The following PLD5 variants were observed in gnomAD, a reference collection of about 807,000 sequenced individuals.
PLD5 encodes phospholipase D family member 5, also known as inactive phospholipase D5.
Under a neutral mutation model 61.1 loss-of-function variants are expected in PLD5, and 36 were observed. The observed-to-expected ratio is 0.59, with a 90% CI of 0.45 to 0.78. PLD5 has a LOEUF of 0.78. Among genes scored for constraint, PLD5 ranks in the 30% least tolerant of loss-of-function variants. PLD5 has a pLI of 0.00. For missense variants in PLD5, 515 were observed against 644.4 expected (o/e 0.80, Z 2.17); for synonymous variants, 243 against 242.8 (o/e 1.00, Z -0.01).
At chr1:242,425,669 G>A (rs1316337383) in intron 1 of PLD5, among the ~76,000 whole-genome samples, 2 of 131,248 alleles carry the variant, frequency 1.5e-5, no homozygotes, top group Non-Finnish European at 1.6e-5. Context: ...TTGAGACAGA[G>A]TCTCGCTCTG....
At chr1:242,276,934 TC>T (rs1674444503) in intron 3 of PLD5, among the ~76,000 whole-genome samples, 1 of 152,062 alleles carries the variant, frequency 6.6e-6, no homozygotes, top group African/African-American at 2.4e-5. Context: ...AACATAGCCA[TC>T]CCTGTCAGGG....
In PLD5 at chr1:242,114,004, G is replaced by A; in HGVS notation, c.956C>T (p.Pro319Leu). 1 of 1,613,320 alleles carries A rather than the reference G, an allele frequency of 6.2e-7. No individual in the cohort carries two copies. The highest frequency in any genetic ancestry group is 8.5e-7 in the Non-Finnish European group (1 of 1,179,692). The change falls in exon 7 of 10, where the codon CCT becomes CTT. Residue 319 changes from proline (P) to leucine (L), a missense_variant. This residue lies in a region of PLD5 where 450 missense variants were observed against 598.1 expected (regional missense o/e 0.75). Coordinates refer to ENST00000536534, the MANE Select transcript of PLD5 (RefSeq NM_001372062.1). ...ATCTATGTCAAAACTTCTGTTTTTAGGGCAAAAGAGTTTTGGAGAATTCTG... is the reference window on the plus strand; with the variant it reads ...ATCTATGTCAAAACTTCTGTTTTTAAGGCAAAAGAGTTTTGGAGAATTCTG... ...FVSNSPKLFC[P>L]KNRSFDIDAI...
intron 2 of PLD5, among the ~76,000 whole-genome samples, chr1:242,323,855 G>C (rs1290373108): frequency 1.3e-5 from 2 of 152,134 alleles, no homozygotes; most frequent in Non-Finnish European, 1.5e-5. Context: ...ATGGTCAGAA[G>C]ATGATTATGG....
intron 1 of PLD5, among the ~76,000 whole-genome samples, chr1:242,445,830 A>G (rs1009800353): frequency 7.5e-6 from 1 of 133,460 alleles, no homozygotes; most frequent in African/African-American, 2.9e-5. Context: ...TCCACATTTC[A>G]CCTCCAATCA....
Position 242,420,900 on chromosome 1 carries a change from C to T in PLD5, c.190-72658G>A, listed in dbSNP as rs577240556. 1.8e-3 allele frequency among the ~76,000 whole-genome samples: 268 copies of T among 152,138 alleles called. 1 individual carries two copies. Among genetic ancestry groups the T allele is most frequent in the Non-Finnish European group, 2.4e-3 (166 of 67,996 alleles). ...TTTAGTATTTTAAAAAGTGGTTGGC[C>T]GGGCGCAGTGGTTCACGCCTGTAAT... On this transcript the variant is annotated intron_variant, in intron 1 of 9. Coordinates refer to ENST00000536534, the MANE Select transcript of PLD5 (RefSeq NM_001372062.1).
chr1:242,146,875 T>C (rs1664581274), intron 5 of PLD5, among the ~76,000 whole-genome samples: 1 of 152,210 alleles, frequency 6.6e-6, no homozygotes, highest in Non-Finnish European at 1.5e-5. Flanking sequence ...TAAAATTCTG[T>C]GCTGGGTAAT....
intron 1 of PLD5, among the ~76,000 whole-genome samples, chr1:242,396,001 T>C (rs1663550118): frequency 6.6e-6 from 1 of 152,058 alleles, no homozygotes; most frequent in Middle Eastern, 3.2e-3. Context: ...TGAGGCGAGA[T>C]TGCGCCATTG....
intron 1 of PLD5, among the ~76,000 whole-genome samples, chr1:242,523,429 A>G (rs990272910): frequency 6.6e-6 from 1 of 151,740 alleles, no homozygotes; most frequent in African/African-American, 2.4e-5. Context: ...ACTCCTTGGG[A>G]GTAGAGGTCC....
intron 5 of PLD5, among the ~76,000 whole-genome samples, chr1:242,214,456 G>A (rs1018399747): frequency 2.0e-5 from 3 of 152,102 alleles, no homozygotes; most frequent in Admixed American, 6.6e-5. Context: ...CTAGATCAAC[G>A]TACACATCCT....
At chr1:242,513,197 C>T (rs116461230) in intron 1 of PLD5, among the ~76,000 whole-genome samples, 2,244 of 152,206 alleles carry the variant, frequency 0.015, 62 homozygotes, top group African/African-American at 0.051. Context: ...GAATTTTTGT[C>T]GCATATGACA....
Position 242,288,509 on chromosome 1 carries a change from A to T in PLD5, c.348T>A (p.Ile116=). Residue 116 remains isoleucine, a synonymous_variant, in exon 3 of 10, where the codon ATT becomes ATA. Coordinates refer to ENST00000536534, the MANE Select transcript of PLD5 (RefSeq NM_001372062.1). ...NKCRIALVEN[I]PEGLNYSENA... ...TTTCTGAATAGTTAAGGCCTTCAGG[A>T]ATATTTTCCACCAGGGCAATTCTTA... 6.3e-7 allele frequency: 1 copy of T among 1,589,608 alleles called. No individual in the cohort carries two copies. Among genetic ancestry groups the T allele is most frequent in the East Asian group, 2.2e-5 (1 of 44,688 alleles).
At chr1:242,384,817 ACTCT>A (rs879368505) in intron 1 of PLD5, among the ~76,000 whole-genome samples, 2 of 152,150 alleles carry the variant, frequency 1.3e-5, no homozygotes, top group African/African-American at 4.8e-5. Flanking sequence ...ATGAAGCAGT[ACTCT>A]CTCTCTGGAA....
chr1:242,250,351 G>C (rs74150898), intron 4 of PLD5, among the ~76,000 whole-genome samples: 1 of 152,104 alleles, frequency 6.6e-6, no homozygotes, highest in Non-Finnish European at 1.5e-5. Context: ...GTAGAAACAC[G>C]CATTACAGTG....
intron 5 of PLD5, among the ~76,000 whole-genome samples, chr1:242,191,758 C>G: frequency 6.6e-6 from 1 of 150,458 alleles, no homozygotes; most frequent in African/African-American, 2.5e-5. Flanking sequence ...AAAATGCAGA[C>G]AGGACTTCAA....
At chr1:242,355,580 A>G (rs1660709580) in intron 1 of PLD5, among the ~76,000 whole-genome samples, 1 of 151,506 alleles carries the variant, frequency 6.6e-6, no homozygotes, top group South Asian at 2.1e-4. Flanking sequence ...GATTTTTTAA[A>G]TCATTTTTCT....
chr1:242,289,223 T>A (rs1253661638), intron 2 of PLD5, among the ~76,000 whole-genome samples: 1 of 152,266 alleles, frequency 6.6e-6, no homozygotes. Context: ...AATATATCTG[T>A]TGTATTGTCA....
chr1:242,515,107 C>A (rs116510795), intron 1 of PLD5, among the ~76,000 whole-genome samples: 2,776 of 152,234 alleles, frequency 0.018, 34 homozygotes, highest in South Asian at 0.055. Flanking sequence ...AGTATTAGCT[C>A]CCCAGAAGCC....
At chr1:242,332,653 C>T (rs185902725) in intron 2 of PLD5, among the ~76,000 whole-genome samples, 109 of 152,226 alleles carry the variant, frequency 7.2e-4, no homozygotes, top group African/African-American at 2.6e-3. Flanking sequence ...CCTTTCAAAA[C>T]ATAACAATAC....
chr1:242,493,129 C>T (rs544198917), intron 1 of PLD5, among the ~76,000 whole-genome samples: 11 of 152,126 alleles, frequency 7.2e-5, no homozygotes, highest in African/African-American at 2.7e-4. Flanking sequence ...TAGGATATCT[C>T]ACAAAACCAT....
Sources: allele counts gnomAD v4.1 joint callset (sites outside exome capture counted in the v4.1 genomes callset), GRCh38; gene constraint gnomAD v4.1.1; regional missense constraint gnomAD v4.1.1; transcripts MANE v1.5; gene names NCBI Gene and HGNC (gene_info 2026-07-23, HGNC 2026-07-21).